CEP83: variants seen among roughly 807,000 people sequenced by gnomAD.
CEP83 encodes the protein centrosomal protein 83, also known as centrosomal protein of 83 kDa.
Under a neutral mutation model 101.9 loss-of-function variants are expected in CEP83, and 70 were observed. That is an observed-to-expected ratio of 0.69 (90% CI 0.57 to 0.84). CEP83 has a LOEUF of 0.84. Among genes scored for constraint, CEP83 ranks in the 40% least tolerant of loss-of-function variants. CEP83 has a pLI of 0.00. For missense variants in CEP83, 715 were observed against 787.2 expected (o/e 0.91, Z 1.10); for synonymous variants, 264 against 267.9 (o/e 0.99, Z 0.14).
intron 1 of CEP83, among the ~76,000 whole-genome samples, chr12:94,443,343 G>C (rs2066560077): frequency 6.6e-6 from 1 of 151,896 alleles, no homozygotes; most frequent in Admixed American, 6.5e-5. Context: ...ACAAATCACA[G>C]AGTCAAACCT....
At chr12:94,275,631 A>C in the CEP83 span, among the ~76,000 whole-genome samples, 1 of 86,596 alleles carries the variant, frequency 1.2e-5, no homozygotes, top group Non-Finnish European at 2.3e-5. Flanking sequence ...AGGCGGGCGG[A>C]TCACGAGGTC....
Position 94,403,170 on chromosome 12 carries a change from T to G in CEP83, c.417A>C (p.Glu139Asp). 1 of 1,453,160 alleles carries G rather than the reference T, an allele frequency of 6.9e-7. No homozygotes were observed. The highest frequency in any genetic ancestry group is 1.2e-5 in the South Asian group (1 of 86,668). The allele number at this position is 1,453,160 out of a possible 1,614,324, so 90.0% of individuals were successfully genotyped here. Residue 139 changes from glutamate (E) to aspartate (D), a missense_variant and splice_region_variant, in exon 5 of 17, where the codon GAA becomes GAC. Transcript: ENST00000397809. ...PMRERFRNLD[E>D]EVEKYRAVYN... ...ATAGTAAACAACATAAGTTACTTAC[T>G]TCATCTAGATTCCTAAAACGTTCTC...
At chr12:94,370,915 G>T (rs529552890) in intron 8 of CEP83, among the ~76,000 whole-genome samples, 1 of 152,184 alleles carries the variant, frequency 6.6e-6, no homozygotes, top group African/African-American at 2.4e-5. Flanking sequence ...GAGTCTAGGG[G>T]TTTGAGGCTG....
chr12:94,397,101 T>C (rs769826300), intron 6 of CEP83, among the ~76,000 whole-genome samples: 4 of 152,216 alleles, frequency 2.6e-5, no homozygotes, highest in African/African-American at 4.8e-5. Context: ...GGAAGTAAAA[T>C]GAAAGAAACT....
intron 15 of CEP83, among the ~76,000 whole-genome samples, chr12:94,311,156 T>C (rs1969804959): frequency 6.6e-6 from 1 of 152,134 alleles, no homozygotes; most frequent in African/African-American, 2.4e-5. Context: ...CCCAAAAGCA[T>C]GGGGTCAGAG....
At chr12:94,371,468 G>A (rs898914549) in intron 8 of CEP83, among the ~76,000 whole-genome samples, 1 of 152,074 alleles carries the variant, frequency 6.6e-6, no homozygotes, top group Non-Finnish European at 1.5e-5. Flanking sequence ...CTTTGGTAAG[G>A]AGCTTCTAAA....
intron 12 of CEP83, 126 bp from the exon 13 acceptor site, chr12:94,333,765 T>C (rs2059338651): frequency 2.5e-6 from 2 of 803,806 alleles, no homozygotes; most frequent in Non-Finnish European, 3.9e-6. Context: ...TCCTTGGAGA[T>C]GACCCCTAAA....
At chr12:94,428,165 T>C (rs535173636) in intron 2 of CEP83, among the ~76,000 whole-genome samples, 4 of 152,350 alleles carry the variant, frequency 2.6e-5, no homozygotes, top group Non-Finnish European at 4.4e-5. Flanking sequence ...AAGTAGGACA[T>C]AGTAATGACT....
chr12:94,441,516 T>C (rs2066394019), intron 1 of CEP83, among the ~76,000 whole-genome samples: 1 of 152,046 alleles, frequency 6.6e-6, no homozygotes, highest in Non-Finnish European at 1.5e-5. Flanking sequence ...AATCAAAAAA[T>C]AATAGATGGT....
At chr12:94,303,668 A>C, downstream of CEP83, 2 of 1,195,310 alleles carry the variant, frequency 1.7e-6, no homozygotes, top group Non-Finnish European at 2.2e-6. Flanking sequence ...GTTCAGCTAC[A>C]TTGGAATATT....
chr12:94,315,534 T>C (rs1307469117), intron 14 of CEP83, among the ~76,000 whole-genome samples: 1 of 152,108 alleles, frequency 6.6e-6, no homozygotes, highest in Admixed American at 6.6e-5. Flanking sequence ...TGTGGTGTCA[T>C]TTTCTTTTGC....
At chr12:94,273,615 G>T in the CEP83 span, among the ~76,000 whole-genome samples, 12 of 152,104 alleles carry the variant, frequency 7.9e-5, no homozygotes, top group Non-Finnish European at 1.6e-4. Flanking sequence ...CATTCTACCT[G>T]GCATTAGAAT....
intron 6 of CEP83, among the ~76,000 whole-genome samples, chr12:94,384,027 C>T (rs77401369): frequency 0.026 from 3,958 of 152,152 alleles, 190 homozygotes; most frequent in African/African-American, 0.091. Context: ...ATTACATATA[C>T]CCACAGTTCT....
At chr12:94,448,094 AG>A (rs2066941148) in intron 1 of CEP83, among the ~76,000 whole-genome samples, 1 of 152,142 alleles carries the variant, frequency 6.6e-6, no homozygotes, top group Non-Finnish European at 1.5e-5. Context: ...AGACATAAAC[AG>A]GTTAAAATTA....
intron 6 of CEP83, among the ~76,000 whole-genome samples, chr12:94,379,850 CTA>C (rs1261054538): frequency 1.3e-5 from 2 of 152,218 alleles, no homozygotes; most frequent in African/African-American, 4.8e-5. Flanking sequence ...CCCCAACTAT[CTA>C]TCCCCTACCA....
In CEP83 at chr12:94,314,052, C is replaced by T. The variant is rs1029277452; in HGVS notation, c.1708-1035G>A. 3.3e-5 allele frequency among the ~76,000 whole-genome samples: 5 copies of T among 152,108 alleles called. No homozygotes were observed. In the East Asian group the frequency reaches 7.7e-4, roughly 23 times the overall value. ...TTCCTAAGTAAATCTTGTATGGTTT[C>T]ATTAAACAATACGGAAAAGTCCAGG... On this transcript the variant is annotated intron_variant, in intron 14 of 16. Coordinates refer to ENST00000397809, the MANE Select transcript of CEP83 (RefSeq NM_016122.3).
In CEP83 at chr12:94,309,981, AG is replaced by A; in HGVS notation, c.1937del (p.Pro646LeufsTer37). Reference sequence around the variant, plus strand: ...CCATGGCTGATGACTGAAAGCTAACAGGATTGATAGATGCTGTTGGAGGCAT... The same window carrying A: ...CCATGGCTGATGACTGAAAGCTAACAGATTGATAGATGCTGTTGGAGGCAT... ...PNMPPTASINPVSFQSSAMVP... is the reference protein window; with the variant it reads ...PNMPPTASINXVSFQSSAMVP... On this transcript the variant is annotated frameshift_variant, in exon 16 of 17. Coordinates refer to ENST00000397809, the MANE Select transcript of CEP83 (RefSeq NM_016122.3). LOFTEE classifies it high-confidence loss of function. 6.2e-7 allele frequency: 1 copy of A among 1,612,002 alleles called. No individual in the cohort carries two copies. The highest frequency in any genetic ancestry group is 8.5e-7 in the Non-Finnish European group (1 of 1,178,678).
At chr12:94,274,969 G>C in the CEP83 span, among the ~76,000 whole-genome samples, 1 of 152,200 alleles carries the variant, frequency 6.6e-6, no homozygotes, top group African/African-American at 2.4e-5. Context: ...CTATTATTAT[G>C]TGTCATTATT....
rs758756509 is a variant in CEP83, at chr12:94,367,773, AAAT to A, written c.1343+18_1343+20del. 1.3e-5 allele frequency: 20 copies of A among 1,527,982 alleles called. No homozygotes were observed. The highest frequency in any genetic ancestry group is 1.8e-5 in the Non-Finnish European group (20 of 1,140,002). 94.7% of individuals were successfully genotyped at this position (1,527,982 alleles called of 1,614,324 possible). ...ACCTTATTTCAACATGAAAAACTTT[AAAT>A]ATATATGTATATATAACCTAACACT... On this transcript the variant is annotated intron_variant, in intron 11 of 16. Transcript: ENST00000397809.
Sources: gnomAD v4.1 joint callset for allele counts (sites outside exome capture counted in the v4.1 genomes callset) on GRCh38, gnomAD v4.1.1 for gene constraint, MANE v1.5 for transcripts, NCBI Gene and HGNC (gene_info 2026-07-23, HGNC 2026-07-21) for gene names.